The following PRKCH variants were observed in gnomAD, a reference collection of about 807,000 sequenced individuals.
PRKCH encodes the protein protein kinase C eta.
Under a neutral mutation model 82.5 loss-of-function variants are expected in PRKCH, and 28 were observed. The observed-to-expected ratio is 0.34, with a 90% CI of 0.25 to 0.47. The LOEUF (loss-of-function observed/expected upper bound fraction) is 0.47. PRKCH is among the 20% of genes least tolerant of loss of function. PRKCH has a pLI of 1.00. For missense variants in PRKCH, 705 were observed against 881.8 expected, an observed-to-expected ratio of 0.80 and a Z score of 2.54; for synonymous variants, 322 against 327.4, an observed-to-expected ratio of 0.98 and a Z score of 0.18.
At chr14:61,342,141 T>G (rs2045937235) in intron 1 of PRKCH, among the ~76,000 whole-genome samples, 1 of 152,074 alleles carries the variant, frequency 6.6e-6, no homozygotes, top group South Asian at 2.1e-4. Context: ...GAGCCTTTCC[T>G]ACGTGGCCAA....
At chr14:61,311,443 A>T (rs769744847) in intron 1 of PRKCH, among the ~76,000 whole-genome samples, 3 of 152,184 alleles carry the variant, frequency 2.0e-5, no homozygotes, top group Non-Finnish European at 4.4e-5. Context: ...TTCATTGTCC[A>T]TATCACTACC....
intron 1 of PRKCH, among the ~76,000 whole-genome samples, chr14:61,363,010 G>A (rs114859454): frequency 0.018 from 2,781 of 152,348 alleles, 70 homozygotes; most frequent in African/African-American, 0.059. Flanking sequence ...TGAACAATGG[G>A]TAGGACTTAG....
At chr14:61,369,490 A>C (rs546436461) in intron 1 of PRKCH, among the ~76,000 whole-genome samples, 4 of 152,104 alleles carry the variant, frequency 2.6e-5, no homozygotes, top group Admixed American at 6.5e-5. Context: ...ATTCAGATTC[A>C]AATTTGTAGC....
intron 2 of PRKCH, among the ~76,000 whole-genome samples, chr14:61,417,893 G>A (rs1882642535): frequency 6.6e-6 from 1 of 152,196 alleles, no homozygotes; most frequent in African/African-American, 2.4e-5. Flanking sequence ...TGTTTTCAAG[G>A]ACTGATGAGG....
Position 61,349,589 on chromosome 14 carries a change from G to A in PRKCH, c.363+27125G>A, listed in dbSNP as rs1291386858. Among the ~76,000 whole-genome samples the A allele has an allele frequency of 1.3e-5, 2 of 152,098 alleles. 1 individual carries two copies. Among genetic ancestry groups the A allele is most frequent in the South Asian group, 4.1e-4 (2 of 4,824 alleles). On this transcript the variant is annotated intron_variant, in intron 1 of 13. Coordinates refer to ENST00000332981, the MANE Select transcript of PRKCH (RefSeq NM_006255.5). ...GCTTGTCACCTTAGAAATGCTGTTC[G>A]AGGTTGCTCACACCTGTAATCCCAG...
chr14:61,472,717 A>C (rs779978090), intron 9 of PRKCH, among the ~76,000 whole-genome samples: 7 of 152,212 alleles, frequency 4.6e-5, no homozygotes, highest in African/African-American at 7.2e-5. Context: ...CCCACACACA[A>C]AAAAAACAAC....
chr14:61,527,019 T>A (rs1416899956), intron 10 of PRKCH, among the ~76,000 whole-genome samples: 1 of 152,244 alleles, frequency 6.6e-6, no homozygotes, highest in East Asian at 1.9e-4. Context: ...AGGCTAGCAA[T>A]GCCACCCTCC....
At chr14:61,272,702 G>A (rs1057428350) in intron 1 of PRKCH, among the ~76,000 whole-genome samples, 2 of 152,180 alleles carry the variant, frequency 1.3e-5, no homozygotes, top group African/African-American at 2.4e-5. Flanking sequence ...GCTAAAAATG[G>A]TCTGTACCCT....
intron 1 of PRKCH, among the ~76,000 whole-genome samples, chr14:61,354,357 C>T (rs1594939985): frequency 6.6e-6 from 1 of 151,826 alleles, no homozygotes; most frequent in African/African-American, 2.4e-5. Flanking sequence ...CATAATATTT[C>T]AGTCACTGGT....
chr14:61,466,767 G>A (rs1885279893), intron 9 of PRKCH, among the ~76,000 whole-genome samples: 1 of 152,256 alleles, frequency 6.6e-6, no homozygotes, highest in Non-Finnish European at 1.5e-5. Flanking sequence ...GCCACAGGAC[G>A]CTCCGATGCC....
At chr14:61,248,390 T>C (rs545329687) in intron 1 of PRKCH, among the ~76,000 whole-genome samples, 1 of 152,338 alleles carries the variant, frequency 6.6e-6, no homozygotes, top group Non-Finnish European at 1.5e-5. Context: ...AGAAAAAGGA[T>C]GTTAATGACA....
intron 1 of PRKCH, among the ~76,000 whole-genome samples, chr14:61,381,625 T>C (rs1256405940): frequency 2.6e-5 from 4 of 152,262 alleles, no homozygotes; most frequent in Admixed American, 2.0e-4. Context: ...GCCTGCTGCA[T>C]TTTCCCTGCC....
intron 9 of PRKCH, among the ~76,000 whole-genome samples, chr14:61,480,863 C>T (rs1885939214): frequency 2.0e-5 from 3 of 152,180 alleles, no homozygotes. Flanking sequence ...CTTCGCAGTC[C>T]CTCCCGTCTG....
chr14:61,457,403 A>T (rs2140295835), intron 8 of PRKCH, 84 bp downstream of exon 8: 2 of 1,588,632 alleles, frequency 1.3e-6, no homozygotes, highest in East Asian at 4.5e-5. Context: ...GCATGCGCAC[A>T]TACTCACATT....
At chr14:61,527,684 C>G (rs898695918) in intron 10 of PRKCH, among the ~76,000 whole-genome samples, 2 of 152,166 alleles carry the variant, frequency 1.3e-5, no homozygotes, top group African/African-American at 4.8e-5. Context: ...GTGTGACATT[C>G]AGGACCCTTC....
At chr14:61,474,938 C>G (rs1385375322) in intron 9 of PRKCH, among the ~76,000 whole-genome samples, 1 of 152,202 alleles carries the variant, frequency 6.6e-6, no homozygotes, top group East Asian at 1.9e-4. Flanking sequence ...TCCCAGGCAT[C>G]ACCTTGAGGC....
intron 9 of PRKCH, among the ~76,000 whole-genome samples, chr14:61,473,264 C>T (rs1169623324): frequency 1.3e-5 from 2 of 152,184 alleles, no homozygotes; most frequent in Admixed American, 1.3e-4. Flanking sequence ...GAAGCAAAGT[C>T]ATAATGGGTC....
intron 2 of PRKCH, among the ~76,000 whole-genome samples, chr14:61,400,355 T>A (rs562627437): frequency 6.6e-6 from 1 of 152,368 alleles, no homozygotes; most frequent in Non-Finnish European, 1.5e-5. Flanking sequence ...GTTGTTGATT[T>A]AATTTTTTTA....
chr14:61,441,727 A>ATT (rs76602358), intron 2 of PRKCH, among the ~76,000 whole-genome samples: 3,833 of 127,040 alleles, frequency 0.03, 171 homozygotes, highest in East Asian at 0.093. Flanking sequence ...TCTGCTTTGT[A>ATT]TTTTTTTTTT....
Sources: allele counts gnomAD v4.1 joint callset (sites outside exome capture counted in the v4.1 genomes callset), GRCh38; gene constraint gnomAD v4.1.1; transcripts MANE v1.5; gene names NCBI Gene and HGNC (gene_info 2026-07-23, HGNC 2026-07-21).